The following DCX variants were observed in gnomAD, a reference collection of about 807,000 sequenced individuals.
The protein encoded by DCX is doublecortin.
A neutral mutation model predicts 20.9 loss-of-function variants in DCX; 4 were observed. The observed-to-expected ratio is 0.19, with a 90% CI of 0.09 to 0.44. The LOEUF (loss-of-function observed/expected upper bound fraction) is 0.44, where lower values mean the gene tolerates loss of function less well. DCX is among the 20% of genes least tolerant of loss of function. DCX has a pLI of 0.99. For missense variants in DCX, 133 were observed against 296.9 expected, an observed-to-expected ratio of 0.45 and a Z score of 4.06; for synonymous variants, 103 against 111.4, an observed-to-expected ratio of 0.92 and a Z score of 0.47.
intron 2 of DCX, among the ~76,000 whole-genome samples, chrX:111,408,632 GAGAAAGAAAGAAAGAAAGAAAGAA>G (rs61699743): frequency 8.1e-4 from 63 of 77,999 alleles, no homozygotes; most frequent in African/African-American, 2.5e-3. Context: ...AGAAAGAAAA[GAGAAAGAAAGAAAGAAAGAAAGAA>G]AGAAAGAAAG....
chrX:111,347,414 C>T (rs961769573), intron 3 of DCX, among the ~76,000 whole-genome samples: 4 of 111,563 alleles, frequency 3.6e-5, no homozygotes, highest in Non-Finnish European at 7.5e-5. Flanking sequence ...TCTTTTCTCC[C>T]TCTTTCACCC....
At chrX:111,402,224 G>C (rs780076358) in intron 2 of DCX, among the ~76,000 whole-genome samples, 1 of 111,685 alleles carries the variant, frequency 9.0e-6, no homozygotes, top group African/African-American at 3.3e-5. Flanking sequence ...TGGATTGGAA[G>C]GATCTAGTGT....
intron 2 of DCX, among the ~76,000 whole-genome samples, chrX:111,406,486 C>G (rs1239167419): frequency 1.8e-5 from 2 of 111,277 alleles, no homozygotes; most frequent in Non-Finnish European, 3.8e-5. Flanking sequence ...TAAGTTTAAC[C>G]TTACAACCAC....
At chrX:111,358,119 C>T (rs1026382041) in intron 3 of DCX, among the ~76,000 whole-genome samples, 3 of 112,019 alleles carry the variant, frequency 2.7e-5, no homozygotes, top group Non-Finnish European at 5.6e-5. Flanking sequence ...TGAACCAACG[C>T]GCCCGGCTGG....
In DCX at chrX:111,332,209, G is replaced by C. The variant is rs765557140; in HGVS notation, c.808+842C>G. On this transcript the variant is annotated intron_variant, in intron 4 of 6. Transcript: ENST00000636035. ...TGACCTTTAGTGATCACTGTCCAGA[G>C]CTGAAGATACAGAAGGTATAGGAAA... Among the ~76,000 whole-genome samples, 4 of 112,440 alleles carry C rather than the reference G, an allele frequency of 3.6e-5. No individual in the cohort carries two copies. The East Asian group carries it at 1.1e-3, about 31-fold the overall frequency.
chrX:111,297,638 G>T lies in DCX; in HGVS notation c.*4049C>A, dbSNP rs1020937555. 1.8e-5 allele frequency: 2 copies of T among 111,642 alleles called. No individual in the cohort carries two copies. The highest frequency in any genetic ancestry group is 3.3e-5 in the African/African-American group (1 of 30,648). The allele number at this position is 111,642 out of a possible 1,213,427, so 9.2% of individuals were successfully genotyped here. ...GGAAGGAGAGAGAAGTACCTGAGGAGTGGGGTAAGCCCAGAAGGAGGTCTC... is the reference window on the plus strand; with the variant it reads ...GGAAGGAGAGAGAAGTACCTGAGGATTGGGGTAAGCCCAGAAGGAGGTCTC... On this transcript the variant is annotated 3_prime_UTR_variant, in exon 7 of 7. Coordinates refer to ENST00000636035, the MANE Select transcript of DCX (RefSeq NM_001195553.2).
intron 5 of DCX, among the ~76,000 whole-genome samples, chrX:111,317,697 A>G (rs1303219375): frequency 8.9e-6 from 1 of 112,049 alleles, no homozygotes; most frequent in Non-Finnish European, 1.9e-5. Context: ...ATCTATAAGG[A>G]ACTTAAGCAA....
At chrX:111,335,080 C>A (rs1921601500) in intron 3 of DCX, among the ~76,000 whole-genome samples, 1 of 111,801 alleles carries the variant, frequency 8.9e-6, no homozygotes. Flanking sequence ...AACTATTTAC[C>A]TGCCGCCACA....
chrX:111,317,245 A>G (rs887989052), intron 5 of DCX, among the ~76,000 whole-genome samples: 7 of 111,840 alleles, frequency 6.3e-5, no homozygotes, highest in African/African-American at 2.3e-4. Context: ...CCAATGCAAC[A>G]TAACAGAGAG....
At chrX:111,361,091 G>C (rs1363759373) in intron 3 of DCX, among the ~76,000 whole-genome samples, 1 of 111,833 alleles carries the variant, frequency 8.9e-6, no homozygotes, top group East Asian at 2.8e-4. Context: ...ATGTCCCCTT[G>C]AGGGGCAAAA....
At chrX:111,347,117 T>G (rs190640228) in intron 3 of DCX, among the ~76,000 whole-genome samples, 32 of 111,646 alleles carry the variant, frequency 2.9e-4, no homozygotes, top group Middle Eastern at 4.6e-3. Flanking sequence ...AAAATTATTA[T>G]TAGTAGTAGT....
chrX:111,301,663 G>A lies in DCX; in HGVS notation c.*24C>T. On this transcript the variant is annotated 3_prime_UTR_variant, in exon 7 of 7. Transcript: ENST00000636035. ...AATGATAGGCTTGGATTTGTACTCT[G>A]GACTCTGAGCACTCTCCCCTCCTTT... The A allele has an allele frequency of 8.3e-7, 1 of 1,206,604 alleles. No homozygotes were observed. Among genetic ancestry groups the A allele is most frequent in the Non-Finnish European group, 1.1e-6 (1 of 890,860 alleles).
At chrX:111,334,986 C>G (rs1188686992) in intron 3 of DCX, among the ~76,000 whole-genome samples, 1 of 111,791 alleles carries the variant, frequency 8.9e-6, no homozygotes, top group Non-Finnish European at 1.9e-5. Flanking sequence ...GGTTTTGAGC[C>G]TAGCTGCAGA....
chrX:111,353,020 T>C (rs139283215), intron 3 of DCX, among the ~76,000 whole-genome samples: 136 of 111,903 alleles, frequency 1.2e-3, no homozygotes, highest in African/African-American at 4.3e-3. Flanking sequence ...AGAGAGTAAA[T>C]TGAAACCCCA....
chrX:111,357,865 T>C (rs1923872920), intron 3 of DCX, among the ~76,000 whole-genome samples: 2 of 111,655 alleles, frequency 1.8e-5, no homozygotes, highest in African/African-American at 6.5e-5. Context: ...TCTCACTCTG[T>C]CAGCCAGGCT....
At chrX:111,409,618 A>T (rs188696910) in intron 2 of DCX, among the ~76,000 whole-genome samples, 1 of 111,945 alleles carries the variant, frequency 8.9e-6, no homozygotes, top group Non-Finnish European at 1.9e-5. Flanking sequence ...GTTGCAATTC[A>T]CAAATAATTT....
At chrX:111,358,409 G>T (rs2078235612) in intron 3 of DCX, among the ~76,000 whole-genome samples, 1 of 111,767 alleles carries the variant, frequency 8.9e-6, no homozygotes, top group South Asian at 3.8e-4. Context: ...CATGTTTAAG[G>T]TAATAGAGTT....
chrX:111,404,799 G>T (rs1046267745), intron 2 of DCX, among the ~76,000 whole-genome samples: 1 of 112,647 alleles, frequency 8.9e-6, no homozygotes, highest in African/African-American at 3.2e-5. Context: ...GCTCTTCTTT[G>T]CTAGACTAAG....
intron 5 of DCX, among the ~76,000 whole-genome samples, chrX:111,315,265 G>A (rs1290887791): frequency 2.8e-4 from 25 of 90,353 alleles, no homozygotes; most frequent in Admixed American, 5.0e-4. Context: ...AAAAGTGGGC[G>A]AAGGACATGA....
Sources: gnomAD v4.1 joint callset for allele counts (sites outside exome capture counted in the v4.1 genomes callset) on GRCh38, gnomAD v4.1.1 for gene constraint, MANE v1.5 for transcripts, NCBI Gene and HGNC (gene_info 2026-07-23, HGNC 2026-07-21) for gene names.